NEIL3: variants seen among roughly 807,000 people sequenced by gnomAD.
NEIL3 encodes endonuclease 8-like 3.
Under a neutral mutation model 57.5 loss-of-function variants are expected in NEIL3, and 48 were observed. The observed-to-expected ratio is 0.83, with a 90% CI of 0.66 to 1.06. The LOEUF is 1.06. NEIL3 is among the 50% of genes least tolerant of loss of function. The probability of loss-of-function intolerance (pLI) is 0.00; values close to 1 mark genes in which losing one functional copy is unlikely to be tolerated. For missense variants in NEIL3, 717 were observed against 739.1 expected (o/e 0.97, Z 0.35); for synonymous variants, 261 against 253.2 (o/e 1.03, Z -0.29).
chr4:177,317,292 G>A (rs754619435), intron 1 of NEIL3, among the ~76,000 whole-genome samples: 2 of 152,144 alleles, frequency 1.3e-5, no homozygotes, highest in African/African-American at 4.8e-5. Context: ...CAAATAAGAC[G>A]TGTATTACAC....
Position 177,359,938 on chromosome 4 carries a change from C to T in NEIL3, c.1461-565C>T, listed in dbSNP as rs75019971. ...CACATTTTTGCTCTCTGCCAGGCAG[C>T]CTGTTTCTTGCAGGAATATGATTGC... On this transcript the variant is annotated intron_variant, in intron 8 of 9. Coordinates refer to ENST00000264596, the MANE Select transcript of NEIL3 (RefSeq NM_018248.3). Among the ~76,000 whole-genome samples, 457 of 152,308 alleles carry T rather than the reference C, an allele frequency of 3.0e-3. 1 individual carries two copies. The highest frequency in any genetic ancestry group is 6.8e-3 in the Middle Eastern group (2 of 294).
intron 2 of NEIL3, among the ~76,000 whole-genome samples, chr4:177,331,590 C>T (rs570640370): frequency 6.6e-6 from 1 of 152,150 alleles, no homozygotes; most frequent in South Asian, 2.1e-4. Context: ...TGCTTTATCT[C>T]TTGATATATT....
At chr4:177,365,453 C>T (rs1307928769), downstream of NEIL3, among the ~76,000 whole-genome samples, 1 of 152,116 alleles carries the variant, frequency 6.6e-6, no homozygotes, top group African/African-American at 2.4e-5. Context: ...TACAAATGCA[C>T]AACAACACAA....
chr4:177,341,550 C>T lies in NEIL3; in HGVS notation c.777C>T (p.Cys259=). 3 of 1,613,422 alleles carry T rather than the reference C, an allele frequency of 1.9e-6. No individual in the cohort carries two copies. Among genetic ancestry groups the T allele is most frequent in the Non-Finnish European group, 2.5e-6 (3 of 1,179,790 alleles). Residue 259 remains cysteine (C), a synonymous_variant, in exon 6 of 10, where the codon TGC becomes TGT. Coordinates refer to ENST00000264596, the MANE Select transcript of NEIL3 (RefSeq NM_018248.3). ...YKRPNCGQCH[C]RITVCRFGDN... ...GTCCTAATTGTGGTCAGTGCCACTG[C>T]AGAATAACTGTGTGCCGCTTTGGGG...
intron 8 of NEIL3, among the ~76,000 whole-genome samples, chr4:177,358,750 A>G (rs1560923124): frequency 6.6e-6 from 1 of 152,196 alleles, no homozygotes; most frequent in Non-Finnish European, 1.5e-5. Flanking sequence ...AAATTTTAAT[A>G]CAGAATCTAA....
chr4:177,324,015 T>C (rs987467), intron 2 of NEIL3, among the ~76,000 whole-genome samples: 88,134 of 152,016 alleles, frequency 0.58, 26,457 homozygotes, highest in African/African-American at 0.74. Context: ...AACTATTGGA[T>C]GTAACAATTC....
chr4:177,315,046 G>T (rs978731481), intron 1 of NEIL3, among the ~76,000 whole-genome samples: 2 of 144,288 alleles, frequency 1.4e-5, no homozygotes, highest in Admixed American at 1.4e-4. Context: ...TCGAGCCTGG[G>T]CAACAGAGCG....
At position 177,335,973 on chromosome 4, in the gene NEIL3, G is replaced by C. The variant is rs1333933304; in HGVS notation, c.414-135G>C. Reference sequence around the variant, plus strand: ...AGCCTTCAGATAATATAATTTGTAAGGTCTTTGTTGTTTGCATATGTAACT... The same window carrying C: ...AGCCTTCAGATAATATAATTTGTAACGTCTTTGTTGTTTGCATATGTAACT... On this transcript the variant is annotated intron_variant, in intron 3 of 9. Coordinates refer to ENST00000264596, the MANE Select transcript of NEIL3 (RefSeq NM_018248.3). 2.9e-6 allele frequency: 3 copies of C among 1,028,648 alleles called. No individual in the cohort carries two copies. The African/African-American group carries it at 4.9e-5, about 17-fold the overall frequency. 63.7% of individuals were successfully genotyped at this position (1,028,648 alleles called of 1,614,324 possible).
At chr4:177,352,957 T>C (rs769815546) in intron 7 of NEIL3, among the ~76,000 whole-genome samples, 3 of 152,226 alleles carry the variant, frequency 2.0e-5, no homozygotes, top group Non-Finnish European at 4.4e-5. Context: ...TAAAGCTTTA[T>C]GGGATATCAT....
intron 1 of NEIL3, among the ~76,000 whole-genome samples, chr4:177,320,634 T>C (rs555865555): frequency 3.4e-4 from 52 of 151,576 alleles, no homozygotes; most frequent in Non-Finnish European, 5.7e-4. Context: ...CCCGCCACCA[T>C]GCCCGGCTAA....
In NEIL3 at chr4:177,360,568, AAC is replaced by A. The variant is rs752005213; in HGVS notation, c.1530_1531del (p.His510GlnfsTer27). 1 of 1,614,108 alleles carries A rather than the reference AAC, an allele frequency of 6.2e-7. No homozygotes were observed. The highest frequency in any genetic ancestry group is 8.5e-7 in the Non-Finnish European group (1 of 1,179,962). On this transcript the variant is annotated frameshift_variant, in exon 9 of 10. Coordinates refer to ENST00000264596, the MANE Select transcript of NEIL3 (RefSeq NM_018248.3). LOFTEE classifies it high-confidence loss of function. Reference sequence around the variant, plus strand: ...AATCCTGACAGCCCTCGCTGCAGTAAACACAACCGCCTCTGCATTCTCCGAGT... The same window carrying A: ...AATCCTGACAGCCCTCGCTGCAGTAAACAACCGCCTCTGCATTCTCCGAGT...
At chr4:177,322,315 A>C (rs1336419637) in intron 1 of NEIL3, 144 bp from the exon 2 acceptor site, 2 of 1,139,936 alleles carry the variant, frequency 1.8e-6, no homozygotes, top group Non-Finnish European at 2.5e-6. Flanking sequence ...AGCCGATTAC[A>C]TTACATGACT....
At chr4:177,352,674 C>T (rs887806780) in intron 7 of NEIL3, among the ~76,000 whole-genome samples, 16 of 151,826 alleles carry the variant, frequency 1.1e-4, no homozygotes, top group Non-Finnish European at 2.1e-4. Flanking sequence ...ACTAAAAATA[C>T]AAAAAATTAG....
At chr4:177,360,823 T>G (rs189576185) in intron 9 of NEIL3, 146 bp downstream of exon 9, 1 of 571,148 alleles carries the variant, frequency 1.8e-6, no homozygotes. Flanking sequence ...AGCTTGAATG[T>G]TGACTAACTT....
Position 177,314,405 on chromosome 4 carries a change from G to A in NEIL3, c.156+4296G>A, listed in dbSNP as rs141878381. 4.0e-4 allele frequency among the ~76,000 whole-genome samples: 61 copies of A among 152,226 alleles called. No homozygotes were observed. The East Asian group carries it at 0.01, about 25-fold the overall frequency. On this transcript the variant is annotated intron_variant, in intron 1 of 9. Coordinates refer to ENST00000264596, the MANE Select transcript of NEIL3 (RefSeq NM_018248.3). The stretch of plus-strand genomic sequence containing the variant: ...ATTCCCATTTTTTTGTTACTTCCTC[G>A]TCTGGAGATGCTTATTGTTGCATCT...
chr4:177,319,763 A>G (rs1734642028), intron 1 of NEIL3, among the ~76,000 whole-genome samples: 2 of 152,160 alleles, frequency 1.3e-5, no homozygotes, highest in Non-Finnish European at 2.9e-5. Flanking sequence ...GAACGCTACT[A>G]TATATGAGAG....
chr4:177,330,061 G>A (rs1157446260), intron 2 of NEIL3, among the ~76,000 whole-genome samples: 1 of 152,094 alleles, frequency 6.6e-6, no homozygotes, highest in Non-Finnish European at 1.5e-5. Context: ...ACAGACGCCT[G>A]CTACCATGCC....
At chr4:177,317,176 G>A (rs17064613) in intron 1 of NEIL3, among the ~76,000 whole-genome samples, 5,944 of 152,152 alleles carry the variant, frequency 0.039, 325 homozygotes, top group African/African-American at 0.12. Flanking sequence ...TTCATCAGGC[G>A]ATAAACATCT....
intron 1 of NEIL3, among the ~76,000 whole-genome samples, chr4:177,310,536 A>G (rs367737950): frequency 6.6e-6 from 1 of 152,208 alleles, no homozygotes; most frequent in Non-Finnish European, 1.5e-5. Flanking sequence ...GCTAATCTGC[A>G]ATTGGTAAGT....
Sources: allele counts gnomAD v4.1 joint callset (sites outside exome capture counted in the v4.1 genomes callset), GRCh38; gene constraint gnomAD v4.1.1; transcripts MANE v1.5; gene names NCBI Gene and HGNC (gene_info 2026-07-23, HGNC 2026-07-21).